The following ROBO2 variants were observed in gnomAD, a reference collection of about 807,000 sequenced individuals.
ROBO2 encodes roundabout homolog 2.
Under a neutral mutation model 160.8 loss-of-function variants are expected in ROBO2, and 53 were observed. The ratio of observed to expected loss-of-function variants is 0.33; its 90% CI spans 0.26 to 0.41. ROBO2 has a LOEUF of 0.41. Ranked by LOEUF, ROBO2 falls within the 10% of genes least tolerant of loss-of-function variation. The probability of loss-of-function intolerance (pLI) is 1.00; values close to 1 mark genes in which losing one functional copy is unlikely to be tolerated. For synonymous variants in ROBO2, 664 were observed against 611.7 expected, an observed-to-expected ratio of 1.09 and a Z score of -1.26; for missense variants, 1,577 against 1,722.4, an observed-to-expected ratio of 0.92 and a Z score of 1.49.
chr3:76,953,141 C>T (rs1228160432), intron 2 of ROBO2, among the ~76,000 whole-genome samples: 1 of 152,190 alleles, frequency 6.6e-6, no homozygotes, highest in Non-Finnish European at 1.5e-5. Context: ...AAAAAGCCAT[C>T]TTACTAGCTT....
intron 2 of ROBO2, among the ~76,000 whole-genome samples, chr3:76,436,882 A>T (rs1373613813): frequency 6.6e-6 from 1 of 152,208 alleles, no homozygotes. Context: ...GGCTCAGACA[A>T]GCAATATGCA....
intron 2 of ROBO2, among the ~76,000 whole-genome samples, chr3:76,650,480 TC>T (rs1340254487): frequency 2.4e-5 from 2 of 84,978 alleles, no homozygotes; most frequent in African/African-American, 1.0e-4. Flanking sequence ...TCCTTCTTTC[TC>T]TTTTTTTTTT....
intron 2 of ROBO2, among the ~76,000 whole-genome samples, chr3:76,578,298 G>C (rs1003717673): frequency 6.6e-6 from 1 of 152,090 alleles, no homozygotes; most frequent in African/African-American, 2.4e-5. Flanking sequence ...TCAAATATGT[G>C]CTGAAGTATC....
chr3:76,143,851 GA>G (rs1472911901), intron 2 of ROBO2, among the ~76,000 whole-genome samples: 1 of 152,068 alleles, frequency 6.6e-6, no homozygotes, highest in Non-Finnish European at 1.5e-5. Flanking sequence ...GTCTGAGTTT[GA>G]AGGCCTCGGG....
chr3:75,947,200 T>A (rs892070286), intron 2 of ROBO2, among the ~76,000 whole-genome samples: 2 of 140,280 alleles, frequency 1.4e-5, no homozygotes, highest in African/African-American at 5.0e-5. Flanking sequence ...TATGTATGAT[T>A]GATTTTACAT....
At chr3:76,786,355 A>G (rs1294371602) in intron 2 of ROBO2, among the ~76,000 whole-genome samples, 1 of 151,318 alleles carries the variant, frequency 6.6e-6, no homozygotes, top group Admixed American at 6.6e-5. Flanking sequence ...ACACAATTTA[A>G]TTGGCTCATG....
chr3:76,357,588 G>GT lies in ROBO2; in HGVS notation c.109+419990dup, dbSNP rs376295862. Among the ~76,000 whole-genome samples the GT allele has an allele frequency of 3.3e-3, 497 of 151,942 alleles. 4 individuals carry two copies. Among genetic ancestry groups the GT allele is most frequent in the African/African-American group, 0.011 (464 of 41,504 alleles). On this transcript the variant is annotated intron_variant, in intron 2 of 26. Coordinates refer to the ROBO2 transcript ENST00000487694. ...TAAAACCCACTATGGTGATGAAAGT[G>GT]TTTTCTATTTTATCTCACATGATGG...
At chr3:76,475,085 A>G (rs1227676392) in intron 2 of ROBO2, among the ~76,000 whole-genome samples, 1 of 151,616 alleles carries the variant, frequency 6.6e-6, no homozygotes, top group Non-Finnish European at 1.5e-5. Flanking sequence ...TTTAAACACT[A>G]GCTAGTTGAC....
rs535343141 is a variant in ROBO2 at position 76,752,610 on chromosome 3, C to T, written c.110-345404C>T. ...ATTCATCCTTAAAGAATTAGAATCA[C>T]ATTACAGAAAATATATTCCCCAAAG... is the stretch of plus-strand genomic sequence containing the variant. On this transcript the variant is annotated intron_variant, in intron 2 of 26. Transcript: ENST00000487694. 3.3e-5 allele frequency among the ~76,000 whole-genome samples: 5 copies of T among 151,860 alleles called. No homozygotes were observed. In the South Asian group the frequency reaches 1.0e-3, roughly 32 times the overall value.
In ROBO2 at chr3:76,708,682, G is replaced by C. The variant is rs556761722; in HGVS notation, c.110-389332G>C. 8.5e-5 allele frequency among the ~76,000 whole-genome samples: 13 copies of C among 152,292 alleles called. No homozygotes were observed. The East Asian group carries it at 1.5e-3, about 18-fold the overall frequency. On this transcript the variant is annotated intron_variant, in intron 2 of 26. Transcript: ENST00000487694. Reference sequence around the variant, plus strand: ...CAATTTGGACTTCATTCTATGGGTAGACAGATCTCCTGAAAGTTTTCCAGA... The same window carrying C: ...CAATTTGGACTTCATTCTATGGGTACACAGATCTCCTGAAAGTTTTCCAGA...
intron 12 of ROBO2, among the ~76,000 whole-genome samples, chr3:77,565,948 G>T (rs976602835): frequency 6.6e-6 from 1 of 152,116 alleles, no homozygotes; most frequent in South Asian, 2.1e-4. Flanking sequence ...GTAGGAAAAA[G>T]AAATTAATAA....
intron 2 of ROBO2, among the ~76,000 whole-genome samples, chr3:76,322,206 T>TATATATATATAAA: frequency 8.3e-6 from 1 of 119,832 alleles, no homozygotes; most frequent in Non-Finnish European, 1.7e-5. Context: ...ATATATATAA[T>TATATATATATAAA]ATACACACAC....
intron 2 of ROBO2, among the ~76,000 whole-genome samples, chr3:76,886,441 A>C (rs1216789578): frequency 2.0e-5 from 3 of 151,928 alleles, no homozygotes; most frequent in African/African-American, 4.8e-5. Flanking sequence ...AATAAAGATC[A>C]GTAAGCCCAG....
At chr3:76,571,582 A>G (rs1425420593) in intron 2 of ROBO2, among the ~76,000 whole-genome samples, 1 of 152,172 alleles carries the variant, frequency 6.6e-6, no homozygotes, top group Non-Finnish European at 1.5e-5. Flanking sequence ...GAGACAAAGA[A>G]CAATATAATT....
chr3:77,324,506 G>A (rs1409973517), intron 2 of ROBO2, among the ~76,000 whole-genome samples: 9 of 152,170 alleles, frequency 5.9e-5, no homozygotes, highest in Non-Finnish European at 1.0e-4. Context: ...TAGGCCGGGC[G>A]CCGTGGCTCA....
At chr3:77,113,252 T>A (rs1181539395) in intron 2 of ROBO2, among the ~76,000 whole-genome samples, 1 of 152,194 alleles carries the variant, frequency 6.6e-6, no homozygotes, top group Non-Finnish European at 1.5e-5. Context: ...TATTTTTATT[T>A]TCTTCCTGGG....
intron 2 of ROBO2, among the ~76,000 whole-genome samples, chr3:77,306,737 A>C (rs1242084627): frequency 6.6e-6 from 1 of 152,196 alleles, no homozygotes; most frequent in African/African-American, 2.4e-5. Context: ...ATTCTACAAT[A>C]AAAATATTCA....
At chr3:76,609,117 G>C (rs951804317) in intron 2 of ROBO2, among the ~76,000 whole-genome samples, 8 of 152,162 alleles carry the variant, frequency 5.3e-5, no homozygotes, top group Admixed American at 2.6e-4. Flanking sequence ...TGAAGAGACT[G>C]TTCTTTCCCC....
At chr3:76,382,781 T>A (rs1370185256) in intron 2 of ROBO2, among the ~76,000 whole-genome samples, 2 of 152,012 alleles carry the variant, frequency 1.3e-5, no homozygotes, top group African/African-American at 2.4e-5. Flanking sequence ...GAAAATGGGT[T>A]TTCAAGGGAA....
Sources: allele counts gnomAD v4.1 joint callset (sites outside exome capture counted in the v4.1 genomes callset), GRCh38; gene constraint gnomAD v4.1.1; transcripts MANE v1.5; gene names NCBI Gene and HGNC (gene_info 2026-07-23, HGNC 2026-07-21).